MTARC2: variants seen among roughly 807,000 people sequenced by gnomAD.
The protein encoded by MTARC2 is mitochondrial amidoxime reducing component 2, also known as MOCO sulphurase C-terminal domain containing 2.
MTARC2 carries 27 observed loss-of-function variants against 35.6 expected under a neutral mutation model. That is an observed-to-expected ratio of 0.76 (90% CI 0.56 to 1.04). The LOEUF (loss-of-function observed/expected upper bound fraction) is 1.04. Ranked by LOEUF, MTARC2 falls within the 50% of genes least tolerant of loss-of-function variation. MTARC2 has a pLI of 0.00. For synonymous variants in MTARC2, 158 were observed against 167.1 expected, an observed-to-expected ratio of 0.95 and a Z score of 0.42; for missense variants, 412 against 432.5, an observed-to-expected ratio of 0.95 and a Z score of 0.42.
In MTARC2 at chr1:220,780,088, C is replaced by A. The variant is rs765343669; in HGVS notation, c.812+9C>A. 85 of 1,567,552 alleles carry A rather than the reference C, an allele frequency of 5.4e-5. 1 individual carries two copies. Among genetic ancestry groups the A allele is most frequent in the Middle Eastern group, 3.4e-4 (2 of 5,956 alleles). Reference sequence around the variant, plus strand: ...GTAATGGCATGCCCCAGGTAAGGAGCCTAGCTAGACCCCAGGACTGTGGTG... The same window carrying A: ...GTAATGGCATGCCCCAGGTAAGGAGACTAGCTAGACCCCAGGACTGTGGTG... On this transcript the variant is annotated intron_variant, in intron 5 of 7. Coordinates refer to ENST00000366913, the MANE Select transcript of MTARC2 (RefSeq NM_017898.5).
rs76495903 is a variant in MTARC2 at position 220,776,841 on chromosome 1, A to G, written c.751-3177A>G. Among the ~76,000 whole-genome samples, 839 of 152,352 alleles carry G rather than the reference A, an allele frequency of 5.5e-3. 6 individuals carry two copies. In the East Asian group the frequency reaches 0.056, roughly 10 times the overall value. ...GAAGATACTTGGAGAGCCAGGGTCC[A>G]TTCAGCACAGCGCGGCTGGGTCGGC... On this transcript the variant is annotated intron_variant, in intron 4 of 7. Coordinates refer to ENST00000366913, the MANE Select transcript of MTARC2 (RefSeq NM_017898.5).
chr1:220,755,268 T>C, intron 2 of MTARC2, 148 bp downstream of exon 2: 1 of 795,190 alleles, frequency 1.3e-6, no homozygotes, highest in Non-Finnish European at 1.9e-6. Context: ...GAGTTGGGAT[T>C]GGGCATGAGT....
At chr1:220,765,561 C>T (rs1671557877) in intron 4 of MTARC2, among the ~76,000 whole-genome samples, 1 of 152,166 alleles carries the variant, frequency 6.6e-6, no homozygotes, top group Non-Finnish European at 1.5e-5. Context: ...CAGGCCCAGT[C>T]ACTAGAGAGT....
chr1:220,775,628 G>A (rs116241949), intron 4 of MTARC2, among the ~76,000 whole-genome samples: 3,619 of 152,190 alleles, frequency 0.024, 109 homozygotes, highest in African/African-American at 0.064. Context: ...ATTTTGTCAG[G>A]CAGGTAATAA....
chr1:220,754,911 G>T, intron 1 of MTARC2, 36 bp from the exon 2 acceptor site: 2 of 1,533,552 alleles, frequency 1.3e-6, no homozygotes, highest in South Asian at 2.6e-5. Flanking sequence ...GGTGGAAGAG[G>T]ATTTTCTGAG....
Position 220,781,849 on chromosome 1 carries a change from T to A in MTARC2, c.956T>A (p.Val319Glu). Residue 319 changes from valine to glutamate, a missense_variant, in exon 7 of 8, where the codon GTG (valine) becomes GAG (glutamate). Physicochemically the swap from Val to Glu is moderately radical, Grantham distance 121 (BLOSUM62 -2). Coordinates refer to ENST00000366913, the MANE Select transcript of MTARC2 (RefSeq NM_017898.5). ...LSPLFGIYYS[V>E]EKIGSLRVGD... ...CCACTTTTTGGGATCTATTATTCAGTGGAAAAAATTGGAAGCCTGAGAGTT... is the reference window on the plus strand; with the variant it reads ...CCACTTTTTGGGATCTATTATTCAGAGGAAAAAATTGGAAGCCTGAGAGTT... The A allele has an allele frequency of 1.9e-6, 3 of 1,614,190 alleles. No individual in the cohort carries two copies. Among genetic ancestry groups the A allele is most frequent in the Non-Finnish European group, 2.5e-6 (3 of 1,180,024 alleles).
chr1:220,755,202 G>T, intron 2 of MTARC2, 82 bp downstream of exon 2: 1 of 1,402,050 alleles, frequency 7.1e-7, no homozygotes, highest in Non-Finnish European at 9.6e-7. Flanking sequence ...TCTTGCTATA[G>T]TTTCTACAGT....
intron 4 of MTARC2, 69 bp from the exon 5 acceptor site, chr1:220,779,949 C>A (rs1672020787): frequency 1.7e-6 from 2 of 1,209,220 alleles, no homozygotes; most frequent in Non-Finnish European, 2.3e-6. Flanking sequence ...TTAATATGAG[C>A]CAAAGAATAA....
intron 4 of MTARC2, among the ~76,000 whole-genome samples, chr1:220,764,813 A>G (rs1370477856): frequency 1.3e-5 from 2 of 152,024 alleles, no homozygotes; most frequent in Non-Finnish European, 1.5e-5. Context: ...ATAGCAATGT[A>G]TACAGAAGTT....
chr1:220,762,903 T>C lies in MTARC2; in HGVS notation c.610-7T>C. On this transcript the variant is annotated splice_polypyrimidine_tract_variant and splice_region_variant and intron_variant, in intron 3 of 7. Transcript: ENST00000366913. The stretch of plus-strand genomic sequence containing the variant: ...GTGGGGCCTGACTATCCTGTGTTCT[T>C]GGCAAGGTGGCCTACCCAGACTACT... 6.2e-7 allele frequency: 1 copy of C among 1,614,072 alleles called. No homozygotes were observed. The highest frequency in any genetic ancestry group is 8.5e-7 in the Non-Finnish European group (1 of 1,179,982).
chr1:220,768,422 C>T (rs1044984007), intron 4 of MTARC2, among the ~76,000 whole-genome samples: 1 of 151,986 alleles, frequency 6.6e-6, no homozygotes, highest in African/African-American at 2.4e-5. Flanking sequence ...TGTTTTGATC[C>T]TTGTTTTTCA....
In MTARC2 at chr1:220,781,894, T is replaced by G; in HGVS notation, c.1001T>G (p.Met334Arg). Residue 334 changes from methionine to arginine, a missense_variant, in exon 7 of 8, where the codon ATG becomes AGG. Met to Arg is a moderately conservative substitution (Grantham distance 91). Transcript: ENST00000366913. ...SLRVGDPVYR[M>R]V Reference sequence around the variant, plus strand: ...AGAGTTGGTGACCCTGTGTATCGGATGGTGTAGTGATGAGTGATGGATCCA... The same window carrying G: ...AGAGTTGGTGACCCTGTGTATCGGAGGGTGTAGTGATGAGTGATGGATCCA... 6.2e-7 allele frequency: 1 copy of G among 1,614,176 alleles called. No homozygotes were observed. The highest frequency in any genetic ancestry group is 8.5e-7 in the Non-Finnish European group (1 of 1,180,022).
chr1:220,778,760 C>A (rs530813954), intron 4 of MTARC2, among the ~76,000 whole-genome samples: 1 of 152,146 alleles, frequency 6.6e-6, no homozygotes, highest in Non-Finnish European at 1.5e-5. Context: ...TCTGCCCTTC[C>A]GTTTCTTAAA....
chr1:220,775,124 C>G (rs1367474143), intron 4 of MTARC2, among the ~76,000 whole-genome samples: 2 of 152,204 alleles, frequency 1.3e-5, no homozygotes, highest in Admixed American at 6.5e-5. Flanking sequence ...GACAAACACC[C>G]TCAGTTGTGT....
chr1:220,780,897 A>G (rs959101025), intron 6 of MTARC2, among the ~76,000 whole-genome samples: 2 of 152,084 alleles, frequency 1.3e-5, no homozygotes, highest in African/African-American at 4.8e-5. Context: ...TATTAGAATC[A>G]ATATCAAGGA....
Position 220,754,069 on chromosome 1 carries a change from A to G in MTARC2, c.273-878A>G, listed in dbSNP as rs79196411. Among the ~76,000 whole-genome samples, 1,096 of 152,314 alleles carry G rather than the reference A, an allele frequency of 7.2e-3. 12 individuals carry two copies. Among genetic ancestry groups the G allele is most frequent in the East Asian group, 0.059 (304 of 5,186 alleles). ...GTCTCAAACGAAATGAAACAAAACA[A>G]CTAAACGAAACAAAACAAAATGAAA... On this transcript the variant is annotated intron_variant, in intron 1 of 7. Coordinates refer to ENST00000366913, the MANE Select transcript of MTARC2 (RefSeq NM_017898.5).
Position 220,748,676 on chromosome 1 carries a change from C to T in MTARC2, c.145C>T (p.Arg49Trp), listed in dbSNP as rs766782027. 3.0e-5 allele frequency: 48 copies of T among 1,583,994 alleles called. 1 individual carries two copies. Among genetic ancestry groups the T allele is most frequent in the Middle Eastern group, 2.0e-4 (1 of 5,038 alleles). The change falls in exon 1 of 8, where the codon CGG becomes TGG. Residue 49 changes from arginine (R) to tryptophan (W), a missense_variant. Arg to Trp is a moderately radical substitution (Grantham distance 101). Coordinates refer to ENST00000366913, the MANE Select transcript of MTARC2 (RefSeq NM_017898.5). Reference protein sequence around the residue: ...AWRRAWPRRRRRLQQVGTVAK... With the variant: ...AWRRAWPRRRWRLQQVGTVAK... The stretch of plus-strand genomic sequence containing the variant: ...GCGCCGCGCATGGCCCAGGCGGCGC[C>T]GGCGGCTGCAGCAGGTGGGCACCGT...
At chr1:220,769,797 A>G (rs1219823056) in intron 4 of MTARC2, among the ~76,000 whole-genome samples, 3 of 150,030 alleles carry the variant, frequency 2.0e-5, no homozygotes, top group South Asian at 4.2e-4. Context: ...ACTTTTTCAC[A>G]AATGTCTCTC....
intron 1 of MTARC2, among the ~76,000 whole-genome samples, chr1:220,753,514 G>T (rs1289159104): frequency 1.3e-5 from 2 of 152,178 alleles, no homozygotes; most frequent in Non-Finnish European, 2.9e-5. Flanking sequence ...TCAGGACAGG[G>T]CAGAGACGGA....
Sources: gnomAD v4.1 joint callset for allele counts (sites outside exome capture counted in the v4.1 genomes callset) on GRCh38, gnomAD v4.1.1 for gene constraint, MANE v1.5 for transcripts, NCBI Gene and HGNC (gene_info 2026-07-23, HGNC 2026-07-21) for gene names.